Variants in CACNA1A observed in about 807,000 individuals in gnomAD.
CACNA1A encodes voltage-dependent P/Q-type calcium channel subunit alpha-1A.
In CACNA1A, 57 loss-of-function variants were observed where a neutral mutation model predicts 262.4. The observed-to-expected ratio is 0.22, with a 90% CI of 0.18 to 0.27. The LOEUF is 0.27. Ranked by LOEUF, CACNA1A falls within the 10% of genes least tolerant of loss-of-function variation. The probability of loss-of-function intolerance (pLI) is 1.00; values close to 1 mark genes in which losing one functional copy is unlikely to be tolerated. For synonymous variants in CACNA1A, 1,431 were observed against 1,419.3 expected (o/e 1.01, Z -0.18); for missense variants, 2,526 against 3,562.8 (o/e 0.71, Z 7.41).
At chr19:13,409,946 C>A (rs2060080647) in intron 3 of CACNA1A, among the ~76,000 whole-genome samples, 1 of 152,104 alleles carries the variant, frequency 6.6e-6, no homozygotes, top group South Asian at 2.1e-4. Flanking sequence ...CCTTGATAAA[C>A]CATAAAAATA....
At chr19:13,254,849 G>C (rs2056501368) in intron 29 of CACNA1A, among the ~76,000 whole-genome samples, 1 of 152,114 alleles carries the variant, frequency 6.6e-6, no homozygotes, top group African/African-American at 2.4e-5. Context: ...GGCACCTCAA[G>C]CAGTCTTGGG....
At chr19:13,228,597 G>T (rs1226795472) in intron 36 of CACNA1A, 2 of 213,658 alleles carry the variant, frequency 9.4e-6, no homozygotes, top group Non-Finnish European at 8.4e-6. Context: ...TTTTTAGAGA[G>T]AGAGAGAGAT....
At chr19:13,363,508 C>T (rs35157134) in intron 5 of CACNA1A, 2 of 145,224 alleles carry the variant, frequency 1.4e-5, no homozygotes, top group East Asian at 4.0e-4. Flanking sequence ...AAAAAACCAA[C>T]AAACCAAAAC....
intron 3 of CACNA1A, among the ~76,000 whole-genome samples, chr19:13,393,286 C>T (rs538321146): frequency 1.1e-3 from 166 of 152,218 alleles, no homozygotes; most frequent in Non-Finnish European, 2.1e-3. Context: ...GCACACACAG[C>T]GATGAGAACA....
At position 13,456,706 on chromosome 19, in the gene CACNA1A, A is replaced by G. The variant is rs182540260; in HGVS notation, c.294-1494T>C. On this transcript the variant is annotated intron_variant, in intron 1 of 46. Coordinates refer to ENST00000360228, the MANE Select transcript of CACNA1A (RefSeq NM_001127222.2). ...TAAAAAATAAAGAGAGAACATTTAC[A>G]ACACAACAACAAAAAGATAATCCAA... Among the ~76,000 whole-genome samples, 576 of 152,248 alleles carry G rather than the reference A, an allele frequency of 3.8e-3. 3 individuals carry two copies. The highest frequency in any genetic ancestry group is 5.0e-3 in the Non-Finnish European group (340 of 68,020).
chr19:13,297,452 T>C (rs894231714), intron 19 of CACNA1A, among the ~76,000 whole-genome samples: 2 of 152,162 alleles, frequency 1.3e-5, no homozygotes, highest in Admixed American at 6.5e-5. Context: ...GGTGGGATGA[T>C]TGCTTGAGGC....
chr19:13,311,416 T>C (rs2058030744), intron 12 of CACNA1A, among the ~76,000 whole-genome samples: 1 of 152,176 alleles, frequency 6.6e-6, no homozygotes, highest in South Asian at 2.1e-4. Context: ...TGGAAAGAAA[T>C]TGGTTTTATT....
At chr19:13,375,175 G>T (rs539328455) in intron 3 of CACNA1A, among the ~76,000 whole-genome samples, 1 of 152,128 alleles carries the variant, frequency 6.6e-6, no homozygotes, top group South Asian at 2.1e-4. Flanking sequence ...TATTACATCT[G>T]TTATGGTGGT....
intron 22 of CACNA1A, 136 bp from the exon 23 acceptor site, chr19:13,277,264 A>G (rs2057173428): frequency 1.6e-6 from 1 of 625,576 alleles, no homozygotes; most frequent in African/African-American, 1.8e-5. Flanking sequence ...ACAGTTGCGC[A>G]GGGCGTGCAC....
chr19:13,464,772 T>C (rs2061197611), intron 1 of CACNA1A, among the ~76,000 whole-genome samples: 3 of 152,028 alleles, frequency 2.0e-5, no homozygotes, highest in Admixed American at 2.0e-4. Context: ...GTGGTCTCGA[T>C]CTCCTGACCT....
At chr19:13,496,047 T>A (rs1599377398) in intron 1 of CACNA1A, among the ~76,000 whole-genome samples, 1 of 4,824 alleles carries the variant, frequency 2.1e-4, no homozygotes, top group Non-Finnish European at 9.3e-4. Flanking sequence ...TGTTCAACCA[T>A]CCATCCATCC....
At chr19:13,496,975 T>A (rs1981608689) in intron 1 of CACNA1A, among the ~76,000 whole-genome samples, 1 of 152,116 alleles carries the variant, frequency 6.6e-6, no homozygotes, top group African/African-American at 2.4e-5. Context: ...ACAGAACACT[T>A]AAGTGACTTG....
At chr19:13,355,859 C>T (rs994374968) in intron 6 of CACNA1A, among the ~76,000 whole-genome samples, 3 of 152,142 alleles carry the variant, frequency 2.0e-5, no homozygotes, top group African/African-American at 4.8e-5. Context: ...GAGTAGCATC[C>T]GTGGCCTTTA....
chr19:13,296,409 T>G (rs2057667907), intron 19 of CACNA1A, among the ~76,000 whole-genome samples: 4 of 152,342 alleles, frequency 2.6e-5, no homozygotes, highest in Middle Eastern at 3.4e-3. Context: ...CGATGTCTAT[T>G]TTAATGGGTA....
chr19:13,366,495 C>T (rs2059214511), intron 4 of CACNA1A, among the ~76,000 whole-genome samples: 1 of 152,082 alleles, frequency 6.6e-6, no homozygotes, highest in Non-Finnish European at 1.5e-5. Context: ...CAGGGTCTCA[C>T]TATGTTATCC....
In CACNA1A at chr19:13,402,857, T is replaced by TACACAC. The variant is rs1282745878; in HGVS notation, c.540-31084_540-31079dup. The stretch of plus-strand genomic sequence containing the variant: ...ATACATATATATACACATATATATA[T>TACACAC]ACACACACACACACACATATATATA... On this transcript the variant is annotated intron_variant, in intron 3 of 46. Transcript: ENST00000360228. Among the ~76,000 whole-genome samples the TACACAC allele has an allele frequency of 4.8e-4, 36 of 75,784 alleles. 2 individuals carry two copies. Among genetic ancestry groups the TACACAC allele is most frequent in the African/African-American group, 9.8e-4 (18 of 18,328 alleles). 49.7% of individuals were successfully genotyped at this position (75,784 alleles called of 152,430 possible).
At chr19:13,477,770 G>A (rs1243464399) in intron 1 of CACNA1A, among the ~76,000 whole-genome samples, 1 of 152,212 alleles carries the variant, frequency 6.6e-6, no homozygotes, top group African/African-American at 2.4e-5. Context: ...TGGCCTCTGA[G>A]TAACACAGTG....
At chr19:13,279,316 T>C (rs2057228107) in intron 22 of CACNA1A, among the ~76,000 whole-genome samples, 1 of 152,150 alleles carries the variant, frequency 6.6e-6, no homozygotes, top group African/African-American at 2.4e-5. Flanking sequence ...TCCAAAAAAG[T>C]GCTTGATCTC....
chr19:13,234,813 C>G, intron 34 of CACNA1A, 108 bp downstream of exon 34: 1 of 769,030 alleles, frequency 1.3e-6, no homozygotes, highest in East Asian at 2.5e-5. Flanking sequence ...AGGAGGAGGG[C>G]ACGTCTTGCA....
Sources: gnomAD v4.1 joint callset for allele counts (sites outside exome capture counted in the v4.1 genomes callset) on GRCh38, gnomAD v4.1.1 for gene constraint, MANE v1.5 for transcripts, NCBI Gene and HGNC (gene_info 2026-07-23, HGNC 2026-07-21) for gene names.